The following VEPH1 variants were observed in gnomAD, a reference collection of about 807,000 sequenced individuals.
The protein encoded by VEPH1 is ventricular zone expressed PH domain containing 1, also known as ventricular zone-expressed PH domain-containing protein homolog 1.
Under a neutral mutation model 85.2 loss-of-function variants are expected in VEPH1, and 80 were observed. The ratio of observed to expected loss-of-function variants is 0.94; its 90% CI spans 0.78 to 1.13. The LOEUF (loss-of-function observed/expected upper bound fraction) is 1.13, where lower values mean the gene tolerates loss of function less well. VEPH1 is among the 50% of genes most tolerant of loss of function. VEPH1 has a pLI of 0.00. For synonymous variants in VEPH1, 297 were observed against 348.0 expected, an observed-to-expected ratio of 0.85 and a Z score of 1.63; for missense variants, 955 against 980.5, an observed-to-expected ratio of 0.97 and a Z score of 0.35.
At chr3:157,437,897 G>C (rs1194342137) in intron 4 of VEPH1, 16 of 1,521,338 alleles carry the variant, frequency 1.1e-5, no homozygotes, top group East Asian at 2.6e-5. Context: ...TGGGCTGCCC[G>C]GAGCTGGCTG....
chr3:157,372,372 G>A (rs182207000), intron 7 of VEPH1, among the ~76,000 whole-genome samples: 37 of 152,302 alleles, frequency 2.4e-4, no homozygotes, highest in Non-Finnish European at 2.9e-5. Context: ...TCAATTCCTA[G>A]TCTACCTAGA....
intron 4 of VEPH1, among the ~76,000 whole-genome samples, chr3:157,444,871 T>A (rs1187285580): frequency 6.6e-6 from 1 of 152,238 alleles, no homozygotes; most frequent in African/African-American, 2.4e-5. Context: ...AAATTTCATC[T>A]GTTAGAGCAG....
At position 157,286,601 on chromosome 3, in the gene VEPH1, C is replaced by T. The variant is rs372124270; in HGVS notation, c.2084G>A (p.Gly695Glu). ...FDVFGFSETA[G>E]AWQCFMCNNP... ...GTTGCACATGAAGCATTGCCATGCTCCTGCTGTTTCACTGAAGCCAAACAC... is the reference window on the plus strand; with the variant it reads ...GTTGCACATGAAGCATTGCCATGCTTCTGCTGTTTCACTGAAGCCAAACAC... The change falls in exon 12 of 14, where the codon GGA (glycine) becomes GAA (glutamate). Residue 695 changes from glycine to glutamate, a missense_variant. Gly to Glu is a moderately conservative substitution (Grantham distance 98, BLOSUM62 -2). Transcript: ENST00000362010. 150 of 1,613,994 alleles carry T rather than the reference C, an allele frequency of 9.3e-5. No homozygotes were observed. The highest frequency in any genetic ancestry group is 1.2e-4 in the Non-Finnish European group (137 of 1,179,984).
At position 157,363,646 on chromosome 3, in the gene VEPH1, G is replaced by C; in HGVS notation, c.1453C>G (p.Leu485Val). 31 of 1,614,076 alleles carry C rather than the reference G, an allele frequency of 1.9e-5. No homozygotes were observed. Among genetic ancestry groups the C allele is most frequent in the Non-Finnish European group, 2.5e-5 (30 of 1,180,002 alleles). The change falls in exon 9 of 14, where the codon CTT (leucine) becomes GTT (valine). Residue 485 changes from leucine (L) to valine (V), a missense_variant. By Grantham distance (32) the Leu-to-Val change is conservative. Coordinates refer to ENST00000362010, the MANE Select transcript of VEPH1 (RefSeq NM_001167912.2). ...ASISLSEIDP[L>V]GQGNDKLPFK... Reference sequence around the variant, plus strand: ...GGCAGCTTGTCATTTCCTTGGCCAAGTGGGTCTATTTCTGAAAGAGAGATG... The same window carrying C: ...GGCAGCTTGTCATTTCCTTGGCCAACTGGGTCTATTTCTGAAAGAGAGATG...
chr3:157,380,116 T>G (rs1179540415), intron 7 of VEPH1, among the ~76,000 whole-genome samples: 1 of 152,216 alleles, frequency 6.6e-6, no homozygotes, highest in Non-Finnish European at 1.5e-5. Flanking sequence ...GTTTGTGCAT[T>G]GTGTCCACTC....
intron 2 of VEPH1, among the ~76,000 whole-genome samples, chr3:157,489,880 C>T (rs1739063052): frequency 6.6e-6 from 1 of 151,562 alleles, no homozygotes; most frequent in African/African-American, 2.4e-5. Flanking sequence ...ATAAGATCAC[C>T]ATACAAGAAT....
intron 2 of VEPH1, chr3:157,489,042 T>C (rs1429781600): frequency 4.5e-6 from 2 of 447,944 alleles, no homozygotes; most frequent in Admixed American, 2.4e-5. Flanking sequence ...TCCAGGATCA[T>C]CTGAACACTT....
chr3:157,340,838 C>T (rs929596787), intron 9 of VEPH1, among the ~76,000 whole-genome samples: 6 of 152,172 alleles, frequency 3.9e-5, no homozygotes, highest in African/African-American at 1.4e-4. Context: ...TCCAGAGGAA[C>T]ATTCAGGCAG....
At chr3:157,476,230 A>G (rs1737462994) in intron 2 of VEPH1, among the ~76,000 whole-genome samples, 1 of 152,226 alleles carries the variant, frequency 6.6e-6, no homozygotes. Flanking sequence ...TCCCTCAAGG[A>G]AACAAATCAA....
Position 157,363,352 on chromosome 3 carries a change from C to A in VEPH1, c.1735+12G>T. ...TGAAGTTTCTCAGGTTTGGGAAGTA[C>A]ACAACACTTACCTTCAATGGTACAC... is the stretch of plus-strand genomic sequence containing the variant. On this transcript the variant is annotated intron_variant, in intron 9 of 13. Transcript: ENST00000362010. 1 of 1,572,796 alleles carries A rather than the reference C, an allele frequency of 6.4e-7. No individual in the cohort carries two copies. The highest frequency in any genetic ancestry group is 1.2e-5 in the South Asian group (1 of 82,738).
intron 2 of VEPH1, among the ~76,000 whole-genome samples, chr3:157,483,803 G>A (rs142755263): frequency 0.011 from 1,712 of 152,184 alleles, 27 homozygotes; most frequent in African/African-American, 0.039. Context: ...GTACTATTAT[G>A]TTCTCAATGC....
chr3:157,496,543 G>A (rs1739680193), intron 1 of VEPH1, among the ~76,000 whole-genome samples: 1 of 152,204 alleles, frequency 6.6e-6, no homozygotes, highest in Admixed American at 6.5e-5. Context: ...CACATGCTTA[G>A]TGAGAGCCAA....
At chr3:157,424,727 A>T (rs1237861911) in intron 5 of VEPH1, among the ~76,000 whole-genome samples, 1 of 152,220 alleles carries the variant, frequency 6.6e-6, no homozygotes, top group Non-Finnish European at 1.5e-5. Context: ...TATTAAGGGT[A>T]TCTGGCAAAT....
intron 6 of VEPH1, among the ~76,000 whole-genome samples, chr3:157,392,522 G>A (rs906007034): frequency 1.1e-4 from 17 of 152,214 alleles, no homozygotes; most frequent in African/African-American, 3.9e-4. Context: ...TACATCAGGG[G>A]TGTACAATCA....
intron 11 of VEPH1, among the ~76,000 whole-genome samples, chr3:157,288,834 G>C (rs184402834): frequency 6.6e-5 from 10 of 152,126 alleles, no homozygotes; most frequent in Non-Finnish European, 1.3e-4. Flanking sequence ...GACTCTTATG[G>C]CTTGTGTTCT....
intron 6 of VEPH1, among the ~76,000 whole-genome samples, chr3:157,394,289 C>T (rs1730162426): frequency 6.6e-6 from 1 of 152,158 alleles, no homozygotes; most frequent in African/African-American, 2.4e-5. Context: ...CCTAGCTGTG[C>T]CTTATTTGTC....
chr3:157,316,621 T>C (rs1016684243), intron 10 of VEPH1, among the ~76,000 whole-genome samples: 2 of 151,702 alleles, frequency 1.3e-5, no homozygotes, highest in Admixed American at 1.3e-4. Flanking sequence ...TTACATAATT[T>C]CACCTATGTA....
At chr3:157,376,976 G>A (rs1385422022) in intron 7 of VEPH1, among the ~76,000 whole-genome samples, 2 of 152,078 alleles carry the variant, frequency 1.3e-5, no homozygotes, top group African/African-American at 4.8e-5. Context: ...TTTCTGCTTT[G>A]GGGGCAGGTT....
intron 2 of VEPH1, among the ~76,000 whole-genome samples, chr3:157,493,625 A>T (rs866291076): frequency 9.8e-5 from 15 of 152,342 alleles, no homozygotes; most frequent in African/African-American, 3.6e-4. Flanking sequence ...GGCTCTCCAG[A>T]ACTCCTGGTA....
Sources: gnomAD v4.1 joint callset for allele counts (sites outside exome capture counted in the v4.1 genomes callset) on GRCh38, gnomAD v4.1.1 for gene constraint, MANE v1.5 for transcripts, NCBI Gene and HGNC (gene_info 2026-07-23, HGNC 2026-07-21) for gene names.